KAZN: variants seen among roughly 807,000 people sequenced by gnomAD.
KAZN encodes kazrin, periplakin interacting protein.
KAZN carries 40 observed loss-of-function variants against 87.4 expected under a neutral mutation model. The observed-to-expected ratio is 0.46, with a 90% CI of 0.36 to 0.60. KAZN has a LOEUF of 0.60. Among genes scored for constraint, KAZN ranks in the 20% least tolerant of loss-of-function variants. KAZN has a pLI of 0.00. For missense variants in KAZN, 898 were observed against 1,073.9 expected, an observed-to-expected ratio of 0.84 and a Z score of 2.29; for synonymous variants, 466 against 458.3, an observed-to-expected ratio of 1.02 and a Z score of -0.22.
chr1:14,506,234 G>GT (rs1054773909), intron 2 of KAZN, among the ~76,000 whole-genome samples: 1 of 152,144 alleles, frequency 6.6e-6, no homozygotes, highest in Non-Finnish European at 1.5e-5. Context: ...AAGAGGACAT[G>GT]TTTTTTCTTC....
At chr1:14,331,659 CTCT>C (rs1422412037) in intron 2 of KAZN, among the ~76,000 whole-genome samples, 2 of 151,930 alleles carry the variant, frequency 1.3e-5, no homozygotes, top group East Asian at 1.9e-4. Flanking sequence ...CATTTTTGTT[CTCT>C]TCTTAAAAAG....
intron 2 of KAZN, among the ~76,000 whole-genome samples, chr1:14,407,760 CTT>C (rs200360209): frequency 6.6e-6 from 1 of 150,680 alleles, no homozygotes; most frequent in Non-Finnish European, 1.5e-5. Context: ...AAAACCATGT[CTT>C]TTTTTTTAAA....
chr1:14,653,019 A>G (rs965427805), intron 1 of KAZN, among the ~76,000 whole-genome samples: 7 of 152,110 alleles, frequency 4.6e-5, no homozygotes, highest in Non-Finnish European at 1.0e-4. Context: ...ACTCCGGGAT[A>G]AATAACTGAG....
chr1:14,605,335 C>G (rs954220895), intron 1 of KAZN, among the ~76,000 whole-genome samples: 1 of 152,262 alleles, frequency 6.6e-6, no homozygotes, highest in South Asian at 2.1e-4. Flanking sequence ...AATCCTGAGG[C>G]CAGCGAGGTG....
chr1:15,103,219 ATAGCACCACTGC>A, intron 11 of KAZN, 128 bp from the exon 12 acceptor site: 1 of 631,644 alleles, frequency 1.6e-6, no homozygotes, highest in Non-Finnish European at 2.8e-6. Context: ...GTGAGCACAG[ATAGCACCACTGC>A]ACTCATGCCT....
chr1:14,640,543 T>C (rs10927475), intron 1 of KAZN, among the ~76,000 whole-genome samples: 27,372 of 152,144 alleles, frequency 0.18, 2,659 homozygotes, highest in South Asian at 0.29. Flanking sequence ...CCTCCCTCCA[T>C]GCTTAGTAAC....
chr1:14,144,585 G>C (rs771454302), intron 1 of KAZN, among the ~76,000 whole-genome samples: 28 of 152,076 alleles, frequency 1.8e-4, no homozygotes, highest in Middle Eastern at 6.8e-3. Context: ...TACCACACCC[G>C]GCCTTGTCTT....
At chr1:15,068,312 C>T (rs1429192926) in intron 8 of KAZN, among the ~76,000 whole-genome samples, 2 of 151,886 alleles carry the variant, frequency 1.3e-5, no homozygotes, top group Non-Finnish European at 2.9e-5. Context: ...GATTCGGGGC[C>T]CTTGGAGGGG....
Position 14,879,255 on chromosome 1 carries a change from G to A in KAZN, c.227-81429G>A, listed in dbSNP as rs79937532. Among the ~76,000 whole-genome samples, 1,450 of 152,190 alleles carry A rather than the reference G, an allele frequency of 9.5e-3. 24 individuals carry two copies. The highest frequency in any genetic ancestry group is 0.058 in the Middle Eastern group (17 of 294). On this transcript the variant is annotated intron_variant, in intron 1 of 14. Coordinates refer to ENST00000376030, the MANE Select transcript of KAZN (RefSeq NM_201628.3). ...AACTAATGGAGTAAATAGAGTAATG[G>A]GAATTCACCATCTCGTGAGGTGGTT...
chr1:13,979,777 A>C (rs1638566183), intron 1 of KAZN, among the ~76,000 whole-genome samples: 1 of 152,042 alleles, frequency 6.6e-6, no homozygotes, highest in Admixed American at 6.5e-5. Context: ...AAAATACCAA[A>C]AAAATTAACC....
Position 14,088,672 on chromosome 1 carries a change from C to T in KAZN, c.92-91763C>T, listed in dbSNP as rs1643906096. On this transcript the variant is annotated intron_variant, in intron 1 of 16. Transcript: ENST00000636203. Reference sequence around the variant, plus strand: ...AGTTCATTGATAATGTTGCTCATGTCTTCTATATCTTTACTGATGTTATCT... The same window carrying T: ...AGTTCATTGATAATGTTGCTCATGTTTTCTATATCTTTACTGATGTTATCT... Among the ~76,000 whole-genome samples the T allele has an allele frequency of 3.3e-5, 5 of 152,022 alleles. No homozygotes were observed. The South Asian group carries it at 1.0e-3, about 32-fold the overall frequency.
intron 1 of KAZN, among the ~76,000 whole-genome samples, chr1:13,978,735 A>G (rs1638505711): frequency 6.6e-6 from 1 of 152,178 alleles, no homozygotes. Context: ...CTTAAGAGAC[A>G]GGTAAGATGT....
chr1:14,308,420 T>C (rs1285262435), intron 2 of KAZN, among the ~76,000 whole-genome samples: 1 of 152,224 alleles, frequency 6.6e-6, no homozygotes, highest in Admixed American at 6.5e-5. Flanking sequence ...TGCATATCTA[T>C]GTAAAATATA....
rs138590433 is a variant in KAZN, at chr1:14,040,080, C to CGTGT, written c.92-140347_92-140344dup. Among the ~76,000 whole-genome samples, 148 of 148,832 alleles carry CGTGT rather than the reference C, an allele frequency of 9.9e-4. 1 individual carries two copies. The East Asian group carries it at 0.02, about 20-fold the overall frequency. On this transcript the variant is annotated intron_variant, in intron 1 of 16. Coordinates refer to the KAZN transcript ENST00000636203. ...GTGTGTGCACGTGTGTGTGTGTGCA[C>CGTGT]GTGTGTGTGTGAGAGAGAGAGAGAC...
At chr1:14,172,596 C>T (rs4662130) in intron 1 of KAZN, among the ~76,000 whole-genome samples, 1,828 of 152,324 alleles carry the variant, frequency 0.012, 93 homozygotes, top group Admixed American at 0.092. Flanking sequence ...CAAAACTAAG[C>T]GATGGAAATC....
chr1:15,082,904 G>A (rs1433749457), intron 8 of KAZN, among the ~76,000 whole-genome samples: 14 of 152,118 alleles, frequency 9.2e-5, no homozygotes, highest in Non-Finnish European at 2.1e-4. Context: ...TGGCTAGGCT[G>A]GTCTCGAACT....
At chr1:14,961,655 G>T (rs543019316) in intron 2 of KAZN, among the ~76,000 whole-genome samples, 2 of 152,172 alleles carry the variant, frequency 1.3e-5, no homozygotes, top group African/African-American at 4.8e-5. Flanking sequence ...AGCCTTTGGG[G>T]TCTGCATTGA....
At chr1:14,980,558 C>T (rs941894078) in intron 2 of KAZN, among the ~76,000 whole-genome samples, 4 of 152,226 alleles carry the variant, frequency 2.6e-5, no homozygotes, top group Admixed American at 6.5e-5. Flanking sequence ...ACCCCGACTC[C>T]TTGACCCAGA....
intron 1 of KAZN, among the ~76,000 whole-genome samples, chr1:14,152,324 C>G (rs189007845): frequency 6.6e-6 from 1 of 152,128 alleles, no homozygotes; most frequent in Non-Finnish European, 1.5e-5. Flanking sequence ...CGTACCTCCC[C>G]CTGACCCTCC....
Sources: gnomAD v4.1 joint callset for allele counts (sites outside exome capture counted in the v4.1 genomes callset) on GRCh38, gnomAD v4.1.1 for gene constraint, MANE v1.5 for transcripts, NCBI Gene and HGNC (gene_info 2026-07-23, HGNC 2026-07-21) for gene names.